The following PCED1B variants were observed in gnomAD, a reference collection of about 807,000 sequenced individuals.
PCED1B encodes the protein PC-esterase domain containing 1B.
For missense variants in PCED1B, 573 were observed against 573.9 expected (o/e 1.00, Z 0.02); for synonymous variants, 251 against 246.1 (o/e 1.02, Z -0.19).
intron 1 of PCED1B, among the ~76,000 whole-genome samples, chr12:47,084,337 G>A (rs1446618210): frequency 1.3e-5 from 2 of 152,196 alleles, no homozygotes; most frequent in Non-Finnish European, 2.9e-5. Context: ...GGTTTCTACT[G>A]AATGTGTATC....
At chr12:47,186,496 C>G (rs906576280) in intron 2 of PCED1B, among the ~76,000 whole-genome samples, 1 of 152,160 alleles carries the variant, frequency 6.6e-6, no homozygotes, top group East Asian at 1.9e-4. Flanking sequence ...GGCACTTTCA[C>G]AAGGGGAGCT....
rs1443939278 is a variant in PCED1B at position 47,089,466 on chromosome 12, A to G, written c.-609+9741A>G. On this transcript the variant is annotated intron_variant, in intron 1 of 3. Coordinates refer to ENST00000546455, the MANE Select transcript of PCED1B (RefSeq NM_138371.3). Reference sequence around the variant, plus strand: ...CATCTCAAAAAAAAAAAATACATATATATATATATATATATATATATATAT... The same window carrying G: ...CATCTCAAAAAAAAAAAATACATATGTATATATATATATATATATATATAT... 2.5e-4 allele frequency among the ~76,000 whole-genome samples: 22 copies of G among 87,698 alleles called. 1 individual carries two copies. The highest frequency in any genetic ancestry group is 4.6e-4 in the Non-Finnish European group (22 of 47,336). The allele number at this position is 87,698 out of a possible 152,430, so 57.5% of individuals were successfully genotyped here.
At chr12:47,122,574 G>T (rs1020346289) in intron 2 of PCED1B, among the ~76,000 whole-genome samples, 2 of 152,184 alleles carry the variant, frequency 1.3e-5, no homozygotes, top group African/African-American at 4.8e-5. Flanking sequence ...GAAAACTAGA[G>T]TAATGGAGGC....
At chr12:47,094,406 A>G (rs970786258) in intron 1 of PCED1B, among the ~76,000 whole-genome samples, 5 of 152,182 alleles carry the variant, frequency 3.3e-5, no homozygotes, top group Non-Finnish European at 7.4e-5. Context: ...CATTCAGTGT[A>G]ATCACTGACA....
chr12:47,190,165 C>T (rs1942397823), intron 2 of PCED1B, among the ~76,000 whole-genome samples: 1 of 152,190 alleles, frequency 6.6e-6, no homozygotes, highest in Non-Finnish European at 1.5e-5. Flanking sequence ...TTCGTGTAAT[C>T]CTGAGTTGGA....
At chr12:47,174,194 AG>A (rs1464809980) in intron 2 of PCED1B, among the ~76,000 whole-genome samples, 4 of 152,264 alleles carry the variant, frequency 2.6e-5, no homozygotes, top group Non-Finnish European at 5.9e-5. Context: ...GGATCACTTG[AG>A]GCCAAGAATT....
At chr12:47,231,381 G>A (rs1240410176) in intron 3 of PCED1B, among the ~76,000 whole-genome samples, 1 of 130,370 alleles carries the variant, frequency 7.7e-6, no homozygotes, top group African/African-American at 3.0e-5. Flanking sequence ...TTCCAGGGGA[G>A]TCGCTAGGAG....
chr12:47,143,323 A>T (rs1447694696), intron 2 of PCED1B, among the ~76,000 whole-genome samples: 1 of 152,152 alleles, frequency 6.6e-6, no homozygotes. Flanking sequence ...AGTCCTAAAG[A>T]CTTGACCAAC....
At chr12:47,217,730 C>T (rs1479622817) in intron 3 of PCED1B, among the ~76,000 whole-genome samples, 1 of 151,990 alleles carries the variant, frequency 6.6e-6, no homozygotes, top group Non-Finnish European at 1.5e-5. Context: ...GCACGCGACA[C>T]CACTCCCAGC....
At chr12:47,224,348 C>T (rs1592315807) in intron 3 of PCED1B, among the ~76,000 whole-genome samples, 1 of 152,194 alleles carries the variant, frequency 6.6e-6, no homozygotes, top group South Asian at 2.1e-4. Flanking sequence ...CTCTGCATTT[C>T]TTTCTGTAAT....
intron 2 of PCED1B, among the ~76,000 whole-genome samples, chr12:47,199,418 A>G (rs987600144): frequency 5.9e-5 from 9 of 152,224 alleles, no homozygotes; most frequent in Non-Finnish European, 1.3e-4. Flanking sequence ...AAGAAAATGC[A>G]AAAGACCCAG....
intron 2 of PCED1B, among the ~76,000 whole-genome samples, chr12:47,207,152 T>C (rs1465649171): frequency 6.6e-6 from 1 of 152,218 alleles, no homozygotes; most frequent in Non-Finnish European, 1.5e-5. Flanking sequence ...TTTCAGAGCC[T>C]AGATGGAGCC....
chr12:47,176,820 ATGT>A (rs1362261747), intron 2 of PCED1B, among the ~76,000 whole-genome samples: 2 of 151,992 alleles, frequency 1.3e-5, no homozygotes, highest in Non-Finnish European at 2.9e-5. Flanking sequence ...GCTATTTCCA[ATGT>A]CAACTGGTGT....
intron 3 of PCED1B, among the ~76,000 whole-genome samples, chr12:47,222,787 G>T (rs832712): frequency 0.058 from 8,814 of 152,118 alleles, 346 homozygotes; most frequent in African/African-American, 0.11. Flanking sequence ...AAACCCAGGG[G>T]GCCAACCCCA....
intron 2 of PCED1B, among the ~76,000 whole-genome samples, chr12:47,167,542 A>G (rs1373229793): frequency 6.6e-6 from 1 of 152,180 alleles, no homozygotes. Flanking sequence ...AATCCTGCAC[A>G]TGGACAAGGA....
rs1943907701 is a variant in PCED1B, at chr12:47,234,451, T to C, written c.-57-556T>C. Among the ~76,000 whole-genome samples the C allele has an allele frequency of 2.6e-5, 4 of 152,366 alleles. No individual in the cohort carries two copies. The South Asian group carries it at 6.2e-4, about 24-fold the overall frequency. On this transcript the variant is annotated intron_variant, in intron 3 of 3. Coordinates refer to ENST00000546455, the MANE Select transcript of PCED1B (RefSeq NM_138371.3). The stretch of plus-strand genomic sequence containing the variant: ...ACCATAATCCTATTCTATGAAGATA[T>C]GTTTTTACATATTTCCTTTCAATGT...
intron 2 of PCED1B, among the ~76,000 whole-genome samples, chr12:47,122,953 A>C (rs1226443941): frequency 1.3e-5 from 2 of 152,210 alleles, no homozygotes; most frequent in Non-Finnish European, 2.9e-5. Flanking sequence ...TTCTTTTGCT[A>C]CTTTCTCATT....
At chr12:47,091,681 A>G (rs957706916) in intron 1 of PCED1B, among the ~76,000 whole-genome samples, 5 of 152,124 alleles carry the variant, frequency 3.3e-5, no homozygotes, top group Non-Finnish European at 7.4e-5. Flanking sequence ...TCATCTTTCA[A>G]TTATTTCTGC....
At chr12:47,171,696 A>G (rs1190160595) in intron 2 of PCED1B, among the ~76,000 whole-genome samples, 1 of 152,210 alleles carries the variant, frequency 6.6e-6, no homozygotes, top group African/African-American at 2.4e-5. Context: ...CCTCAGATAT[A>G]AAATTCTTGG....
Sources: allele counts gnomAD v4.1 joint callset (sites outside exome capture counted in the v4.1 genomes callset), GRCh38; gene constraint gnomAD v4.1.1; transcripts MANE v1.5; gene names NCBI Gene and HGNC (gene_info 2026-07-23, HGNC 2026-07-21).